The following INPP4A variants were observed in gnomAD, a reference collection of about 807,000 sequenced individuals.
INPP4A encodes inositol polyphosphate-4-phosphatase, type I, 107kD.
In INPP4A, 33 loss-of-function variants were observed where a neutral mutation model predicts 119.8. The observed-to-expected ratio is 0.28, with a 90% confidence interval of 0.21 to 0.37. INPP4A has a LOEUF of 0.37. Among genes scored for constraint, INPP4A ranks in the 10% least tolerant of loss-of-function variants. The pLI, the probability that INPP4A is intolerant of heterozygous loss-of-function variation, is 1.00. For synonymous variants in INPP4A, 496 were observed against 500.7 expected, an observed-to-expected ratio of 0.99 and a Z score of 0.12; for missense variants, 956 against 1,289.9, an observed-to-expected ratio of 0.74 and a Z score of 3.97.
intron 1 of INPP4A, among the ~76,000 whole-genome samples, chr2:98,508,270 A>G (rs1469216613): frequency 6.6e-6 from 1 of 152,222 alleles, no homozygotes. Context: ...GGGTGGAAGA[A>G]GAAAAGGGAA....
Position 98,552,888 on chromosome 2 carries a change from C to T in INPP4A, c.1266C>T (p.Tyr422=). Residue 422 remains tyrosine, a synonymous_variant, in exon 14 of 25, where the codon TAC becomes TAT. Coordinates refer to ENST00000409851, the MANE Select transcript of INPP4A (RefSeq NM_001134225.2). ...ACACCCTGAAAACCCAAGTGAGTTA[C>T]TACGCAGAGCGGCTGTCAAGGGCAG... The part of the protein sequence containing the change: ...QINTLKTQVS[Y]YAERLSRAAK... The T allele has an allele frequency of 6.2e-7, 1 of 1,613,840 alleles. No homozygotes were observed. Among genetic ancestry groups the T allele is most frequent in the Non-Finnish European group, 8.5e-7 (1 of 1,179,812 alleles).
intron 17 of INPP4A, among the ~76,000 whole-genome samples, chr2:98,560,907 A>G (rs955670802): frequency 3.9e-5 from 6 of 152,192 alleles, no homozygotes; most frequent in Non-Finnish European, 5.9e-5. Context: ...CACACAGACA[A>G]TGCCTGGCCT....
Position 98,587,551 on chromosome 2 carries a change from G to C in INPP4A, c.2862G>C (p.Lys954Asn). ...RKYAFNSLQL[K>N]AFPKHYRPPE... is the part of the protein sequence containing the mutation. ...ATGCATTTAATTCCCTGCAGCTGAA[G>C]GCTTTCCCCAAGCATTACAGGCCTC... Residue 954 changes from lysine to asparagine, a missense_variant, in exon 25 of 25, where the codon AAG (lysine) becomes AAC (asparagine). Physicochemically the swap from Lys to Asn is moderately conservative, Grantham distance 94. Around this residue, in one of 2 missense-constraint regions of INPP4A, gnomAD observed 304 missense variants for 492.1 expected, o/e 0.62. Coordinates refer to ENST00000409851, the MANE Select transcript of INPP4A (RefSeq NM_001134225.2). The C allele has an allele frequency of 6.2e-7, 1 of 1,609,156 alleles. No homozygotes were observed.
intron 24 of INPP4A, among the ~76,000 whole-genome samples, chr2:98,577,581 C>T (rs116659267): frequency 2.0e-5 from 3 of 152,348 alleles, no homozygotes; most frequent in East Asian, 1.9e-4. Context: ...TGAAGCAACG[C>T]GTCTGCAGGT....
intron 13 of INPP4A, among the ~76,000 whole-genome samples, chr2:98,547,550 G>A (rs141212814): frequency 2.2e-4 from 34 of 152,282 alleles, no homozygotes; most frequent in African/African-American, 7.5e-4. Context: ...AGGAAGTGGG[G>A]GTGATGAGTG....
intron 1 of INPP4A, among the ~76,000 whole-genome samples, chr2:98,508,407 C>T (rs1246463954): frequency 5.3e-5 from 8 of 152,240 alleles, no homozygotes; most frequent in Admixed American, 1.3e-4. Flanking sequence ...CTTCCAGCTG[C>T]GTCTCCTGGA....
At chr2:98,524,768 A>C (rs1687877121) in intron 4 of INPP4A, among the ~76,000 whole-genome samples, 1 of 152,222 alleles carries the variant, frequency 6.6e-6, no homozygotes, top group Non-Finnish European at 1.5e-5. Flanking sequence ...ACATAATAGA[A>C]GAAACAAAAG....
intron 24 of INPP4A, among the ~76,000 whole-genome samples, chr2:98,584,550 C>T (rs1699734676): frequency 6.6e-6 from 1 of 152,272 alleles, no homozygotes; most frequent in Non-Finnish European, 1.5e-5. Context: ...CCCAGGGGGC[C>T]TCAAGGACAC....
At position 98,554,425 on chromosome 2, in the gene INPP4A, T is replaced by C. The variant is rs375288583; in HGVS notation, c.1502T>C (p.Met501Thr). 272 of 1,613,782 alleles carry C rather than the reference T, an allele frequency of 1.7e-4. No homozygotes were observed. The highest frequency in any genetic ancestry group is 2.2e-4 in the Non-Finnish European group (254 of 1,179,862). Residue 501 changes from methionine to threonine, a missense_variant, in exon 15 of 25, where the codon ATG (methionine) becomes ACG (threonine). Met to Thr is a moderately conservative substitution (Grantham distance 81, BLOSUM62 -1). Coordinates refer to ENST00000409851, the MANE Select transcript of INPP4A (RefSeq NM_001134225.2). This position sits in a 1 kb window ranked among gnomAD's most constrained non-coding sequence, Gnocchi z 4.7. ...CTTAGAAATGACCAGGACACCCTCA[T>C]GGCCCGGTGGACAGGGAGAAACAGC... Reference protein sequence around the residue: ...VMLRNDQDTLMARWTGRNSRS... With the variant: ...VMLRNDQDTLTARWTGRNSRS...
intron 1 of INPP4A, among the ~76,000 whole-genome samples, chr2:98,461,732 A>G (rs1697185788): frequency 1.3e-5 from 2 of 152,212 alleles, no homozygotes; most frequent in South Asian, 2.1e-4. Flanking sequence ...ATGTGCAGAC[A>G]TGAGACAGTT....
At chr2:98,572,709 A>G (rs1438667840) in intron 22 of INPP4A, 106 bp from the exon 23 acceptor site, 13 of 683,390 alleles carry the variant, frequency 1.9e-5, no homozygotes, top group Non-Finnish European at 2.9e-5. Context: ...CCGGGAACTC[A>G]TTGTTTTACC....
chr2:98,469,136 G>A (rs1413716228), intron 1 of INPP4A, among the ~76,000 whole-genome samples: 2 of 152,158 alleles, frequency 1.3e-5, no homozygotes, highest in Non-Finnish European at 2.9e-5. Flanking sequence ...CATGACATTT[G>A]CCACCTTTCC....
At chr2:98,457,648 A>G (rs576202817) in intron 1 of INPP4A, among the ~76,000 whole-genome samples, 29 of 152,328 alleles carry the variant, frequency 1.9e-4, no homozygotes, top group African/African-American at 6.3e-4. Flanking sequence ...CTCAGAACGT[A>G]GATTTGTCTG....
intron 1 of INPP4A, among the ~76,000 whole-genome samples, chr2:98,512,503 G>C (rs370071301): frequency 6.6e-6 from 1 of 152,340 alleles, no homozygotes; most frequent in East Asian, 1.9e-4. Flanking sequence ...GGGAAGTCCT[G>C]GAGCATGGTG....
In INPP4A at chr2:98,588,349, G is replaced by A. The variant is rs1277321714; in HGVS notation, c.*741G>A. ...CCCTTTAGCCTGTCTCCTGTTCTCT[G>A]AAGCTCCCTGCCGAGGCTCCCTCAC... On this transcript the variant is annotated 3_prime_UTR_variant, in exon 25 of 25. Transcript: ENST00000409851. The A allele has an allele frequency of 5.0e-6, 1 of 200,124 alleles. No individual in the cohort carries two copies. Among genetic ancestry groups the A allele is most frequent in the Non-Finnish European group, 1.0e-5 (1 of 97,238 alleles). 12.4% of individuals were successfully genotyped at this position (200,124 alleles called of 1,614,324 possible).
chr2:98,566,373 G>A lies in INPP4A; in HGVS notation c.2420+204G>A, dbSNP rs573242947. On this transcript the variant is annotated intron_variant, in intron 21 of 24. Transcript: ENST00000409851. The surrounding 1 kb of genome is among the most constrained non-coding windows in gnomAD (Gnocchi z 4.2). ...GACCCAGAGGTGGTCTCTGTCCTCA[G>A]GGACTCAGCTGGTGGGAGAGAGAGA... is the stretch of plus-strand genomic sequence containing the variant. 6.6e-6 allele frequency among the ~76,000 whole-genome samples: 1 copy of A among 152,186 alleles called. No individual in the cohort carries two copies. The highest frequency in any genetic ancestry group is 1.5e-5 in the Non-Finnish European group (1 of 68,032).
chr2:98,471,250 C>T (rs1675952153), intron 1 of INPP4A, among the ~76,000 whole-genome samples: 1 of 152,172 alleles, frequency 6.6e-6, no homozygotes, highest in Non-Finnish European at 1.5e-5. Context: ...GACCTGAGTC[C>T]TGTGAGAAAC....
intron 16 of INPP4A, 169 bp downstream of exon 16, chr2:98,555,977 A>T: frequency 1.3e-6 from 1 of 741,862 alleles, no homozygotes; most frequent in South Asian, 2.2e-5. Context: ...GTGAGAGCGG[A>T]GTCTCCGGTT....
intron 1 of INPP4A, among the ~76,000 whole-genome samples, chr2:98,477,303 T>C (rs969721680): frequency 6.6e-6 from 1 of 152,260 alleles, no homozygotes; most frequent in Non-Finnish European, 1.5e-5. Flanking sequence ...CTCCCTGAGC[T>C]GCCTGCTTCA....
Sources: gnomAD v4.1 joint callset for allele counts (sites outside exome capture counted in the v4.1 genomes callset) on GRCh38, gnomAD v4.1.1 for gene constraint, gnomAD v4.1.1 regional missense constraint, Gnocchi (gnomAD v3.1) non-coding constraint, MANE v1.5 for transcripts, NCBI Gene and HGNC (gene_info 2026-07-23, HGNC 2026-07-21) for gene names.